Variants in KCNJ6 observed in about 807,000 individuals in gnomAD.
KCNJ6 encodes the protein G protein-activated inward rectifier potassium channel 2.
A neutral mutation model predicts 34.2 loss-of-function variants in KCNJ6; 9 were observed. That is an observed-to-expected ratio of 0.26 (90% confidence interval 0.16 to 0.46). KCNJ6 has a LOEUF of 0.46. Among genes scored for constraint, KCNJ6 ranks in the 20% least tolerant of loss-of-function variants. The probability of loss-of-function intolerance (pLI) is 1.00; values close to 1 mark genes in which losing one functional copy is unlikely to be tolerated. For synonymous variants in KCNJ6, 196 were observed against 207.1 expected, an observed-to-expected ratio of 0.95 and a Z score of 0.46; for missense variants, 236 against 531.3, an observed-to-expected ratio of 0.44 and a Z score of 5.46.
intron 1 of KCNJ6, among the ~76,000 whole-genome samples, chr21:37,879,871 G>A (rs1473849481): frequency 6.6e-6 from 1 of 151,930 alleles, no homozygotes; most frequent in Non-Finnish European, 1.5e-5. Flanking sequence ...AAGGTGGCCT[G>A]TTATTTTCTA....
At chr21:37,893,217 C>CT (rs1469514896) in intron 1 of KCNJ6, among the ~76,000 whole-genome samples, 5 of 149,676 alleles carry the variant, frequency 3.3e-5, no homozygotes, top group Non-Finnish European at 5.9e-5. Flanking sequence ...CTATTTTTTT[C>CT]TTTTTTTGGA....
chr21:37,798,563 T>C (rs2055254406), intron 2 of KCNJ6, among the ~76,000 whole-genome samples: 1 of 152,248 alleles, frequency 6.6e-6, no homozygotes, highest in Non-Finnish European at 1.5e-5. Flanking sequence ...AAATGTGGTC[T>C]GTCCAGGACG....
intron 3 of KCNJ6, among the ~76,000 whole-genome samples, chr21:37,711,938 GCCAT>G (rs551550175): frequency 5.9e-4 from 90 of 152,290 alleles, no homozygotes; most frequent in Non-Finnish European, 1.1e-3. Flanking sequence ...CTGTAGAAAG[GCCAT>G]AGGGTGCTCA....
intron 1 of KCNJ6, among the ~76,000 whole-genome samples, chr21:37,903,583 A>G (rs1163384425): frequency 2.0e-5 from 3 of 152,204 alleles, no homozygotes; most frequent in Non-Finnish European, 4.4e-5. Context: ...TGAAGCACAG[A>G]TGACTCAATC....
chr21:37,625,764 C>T (rs2054307927), intron 3 of KCNJ6, among the ~76,000 whole-genome samples: 1 of 152,244 alleles, frequency 6.6e-6, no homozygotes, highest in Non-Finnish European at 1.5e-5. Context: ...ATCAAGTGTG[C>T]AAATGCACAC....
chr21:37,653,387 T>C (rs920343241), intron 3 of KCNJ6, among the ~76,000 whole-genome samples: 2 of 152,070 alleles, frequency 1.3e-5, no homozygotes. Context: ...TCAATGCTGG[T>C]GGCGCAGGTG....
At chr21:37,860,989 C>A (rs528778809) in intron 1 of KCNJ6, among the ~76,000 whole-genome samples, 1 of 151,978 alleles carries the variant, frequency 6.6e-6, no homozygotes, top group Non-Finnish European at 1.5e-5. Context: ...GCCTCATTTT[C>A]CTCATCTGTA....
At position 37,678,455 on chromosome 21, in the gene KCNJ6, G is replaced by C. The variant is rs972245816; in HGVS notation, c.946+35756C>G. ...GCTCTCCTAAGTGTCTTAACTGATT[G>C]GTTTGAAAACTCTTTTCTGGGGTCA... On this transcript the variant is annotated intron_variant, in intron 3 of 3. Transcript: ENST00000609713. Among the ~76,000 whole-genome samples the C allele has an allele frequency of 1.5e-3, 231 of 152,130 alleles. 1 individual carries two copies. The highest frequency in any genetic ancestry group is 5.4e-3 in the African/African-American group (224 of 41,438).
intron 2 of KCNJ6, among the ~76,000 whole-genome samples, chr21:37,808,503 C>T (rs556891646): frequency 1.3e-5 from 2 of 152,318 alleles, no homozygotes; most frequent in African/African-American, 4.8e-5. Context: ...TGAGGTTATG[C>T]CTGGCCTTGA....
intron 1 of KCNJ6, among the ~76,000 whole-genome samples, chr21:37,913,468 A>C (rs2055876680): frequency 6.6e-6 from 1 of 152,168 alleles, no homozygotes; most frequent in Non-Finnish European, 1.5e-5. Context: ...GATTCCTTCC[A>C]GTTCTAGACC....
chr21:37,840,974 G>A (rs186739930), intron 1 of KCNJ6, among the ~76,000 whole-genome samples: 11 of 152,210 alleles, frequency 7.2e-5, no homozygotes, highest in South Asian at 2.1e-4. Context: ...AATTGGTGAC[G>A]CACGACCAGT....
At position 37,799,723 on chromosome 21, in the gene KCNJ6, C is replaced by T. The variant is rs146805974; in HGVS notation, c.25+40935G>A. Among the ~76,000 whole-genome samples the T allele has an allele frequency of 1.1e-3, 160 of 152,248 alleles. 3 individuals carry two copies. The East Asian group carries it at 0.017, about 17-fold the overall frequency. On this transcript the variant is annotated intron_variant, in intron 2 of 3. Transcript: ENST00000609713. ...TTTGAGGTTTCCAGAATGTCTGTTA[C>T]ATTTCTTATATGACATTTAGAAGCC...
chr21:37,720,833 G>A (rs369270608), intron 2 of KCNJ6, among the ~76,000 whole-genome samples: 20 of 150,104 alleles, frequency 1.3e-4, no homozygotes, highest in Admixed American at 2.7e-4. Flanking sequence ...TCAGCCTCCC[G>A]AGTAGCTGGG....
intron 1 of KCNJ6, among the ~76,000 whole-genome samples, chr21:37,865,827 T>C (rs2055619802): frequency 6.6e-6 from 1 of 152,218 alleles, no homozygotes; most frequent in African/African-American, 2.4e-5. Flanking sequence ...GGATTTAAAC[T>C]GCACTCAAGA....
At chr21:37,867,326 A>G (rs953836498) in intron 1 of KCNJ6, among the ~76,000 whole-genome samples, 3 of 152,214 alleles carry the variant, frequency 2.0e-5, no homozygotes, top group Middle Eastern at 3.2e-3. Context: ...AGGGACAAAA[A>G]TCTGTCCAGT....
At chr21:37,648,633 T>C (rs2835862) in intron 3 of KCNJ6, among the ~76,000 whole-genome samples, 47,785 of 152,010 alleles carry the variant, frequency 0.31, 7,936 homozygotes, top group East Asian at 0.46. Flanking sequence ...AAGTTTAAAA[T>C]GACTTCTCTT....
chr21:37,687,254 G>T (rs1275105104), intron 3 of KCNJ6, among the ~76,000 whole-genome samples: 1 of 152,116 alleles, frequency 6.6e-6, no homozygotes, highest in East Asian at 1.9e-4. Flanking sequence ...CAGCAACGCG[G>T]GGTTACAGGC....
chr21:37,828,496 G>T (rs2055409584), intron 2 of KCNJ6, among the ~76,000 whole-genome samples: 1 of 152,208 alleles, frequency 6.6e-6, no homozygotes, highest in Non-Finnish European at 1.5e-5. Flanking sequence ...TGGGAGCTGG[G>T]GGGTGATGGA....
intron 1 of KCNJ6, among the ~76,000 whole-genome samples, chr21:37,877,503 C>A (rs1324124385): frequency 1.3e-5 from 2 of 152,164 alleles, no homozygotes; most frequent in Non-Finnish European, 2.9e-5. Flanking sequence ...TCCAGATGAA[C>A]AAGTTGCTTT....
Sources: allele counts gnomAD v4.1 joint callset (sites outside exome capture counted in the v4.1 genomes callset), GRCh38; gene constraint gnomAD v4.1.1; transcripts MANE v1.5; gene names NCBI Gene and HGNC (gene_info 2026-07-23, HGNC 2026-07-21).